Variants in SHANK2 observed in about 807,000 individuals in gnomAD.
SHANK2 encodes the protein SH3 and multiple ankyrin repeat domains protein 2.
SHANK2 carries 43 observed loss-of-function variants against 133.7 expected under a neutral mutation model. That is an observed-to-expected ratio of 0.32 (90% CI 0.25 to 0.41). The LOEUF is 0.41. Ranked by LOEUF, SHANK2 falls within the 10% of genes least tolerant of loss-of-function variation. The pLI is 1.00. For missense variants in SHANK2, 1,994 were observed against 2,235.8 expected (o/e 0.89, Z 2.18); for synonymous variants, 1,017 against 952.8 (o/e 1.07, Z -1.24).
rs549413625 is a variant in SHANK2, at chr11:70,479,095, G to A, written c.4980-5656C>T. On this transcript the variant is annotated intron_variant, in intron 25 of 25. Coordinates refer to ENST00000601538, the MANE Select transcript of SHANK2 (RefSeq NM_012309.5). This position sits in a 1 kb window ranked among gnomAD's most constrained non-coding sequence, Gnocchi z 4.4. Reference sequence around the variant, plus strand: ...GCACTCCCATTCATCCTTGCCCAACGCCCGCAAGTACCAGCCCCGATGGAC... The same window carrying A: ...GCACTCCCATTCATCCTTGCCCAACACCCGCAAGTACCAGCCCCGATGGAC... Among the ~76,000 whole-genome samples the A allele has an allele frequency of 1.1e-4, 16 of 152,306 alleles. No individual in the cohort carries two copies. The highest frequency in any genetic ancestry group is 5.9e-4 in the Admixed American group (9 of 15,298).
intron 15 of SHANK2, among the ~76,000 whole-genome samples, chr11:70,666,540 T>G (rs1300777286): frequency 6.6e-6 from 1 of 152,334 alleles, no homozygotes; most frequent in African/African-American, 2.4e-5. Context: ...TTCTGTGTGC[T>G]GCCCTAGAAC....
rs1202247017 is a variant in SHANK2 at position 71,085,551 on chromosome 11, ATAT to A, written c.912+6868_912+6870del. Among the ~76,000 whole-genome samples the A allele has an allele frequency of 8.1e-3, 686 of 84,382 alleles. 17 individuals are homozygous for A. The highest frequency in any genetic ancestry group is 0.068 in the Admixed American group (327 of 4,806). The allele number at this position is 84,382 out of a possible 152,430, so 55.4% of individuals were successfully genotyped here. Reference sequence around the variant, plus strand: ...TATTATATTATATAAAATATATAACATATTATATTATATAAAATATATATTATA... The same window carrying A: ...TATTATATTATATAAAATATATAACATATATTATATAAAATATATATTATA... On this transcript the variant is annotated intron_variant, in intron 8 of 25. Transcript: ENST00000601538.
intron 2 of SHANK2, among the ~76,000 whole-genome samples, chr11:71,206,928 A>G (rs905836131): frequency 6.6e-6 from 1 of 151,884 alleles, no homozygotes; most frequent in Non-Finnish European, 1.5e-5. Flanking sequence ...AGTCAAAGTA[A>G]AAAAAAGATT....
At chr11:70,738,554 T>A (rs1239015903) in intron 14 of SHANK2, among the ~76,000 whole-genome samples, 1 of 152,330 alleles carries the variant, frequency 6.6e-6, no homozygotes, top group Middle Eastern at 3.4e-3. Flanking sequence ...TCTACAAAGC[T>A]GCCCCATGGT....
chr11:71,076,313 C>A (rs935007162), intron 8 of SHANK2, among the ~76,000 whole-genome samples: 1 of 152,058 alleles, frequency 6.6e-6, no homozygotes, highest in Admixed American at 6.5e-5. Context: ...GAGCAGTAGG[C>A]GCCATGGTAG....
Position 71,181,137 on chromosome 11 carries a change from C to T in SHANK2, c.-12-33799G>A, listed in dbSNP as rs1216831415. On this transcript the variant is annotated intron_variant, in intron 2 of 25. Coordinates refer to ENST00000601538, the MANE Select transcript of SHANK2 (RefSeq NM_012309.5). Reference sequence around the variant, plus strand: ...CGAGGGGAGGTCTGGAGAAGCCGACCAGCTTGCAGCACAGAAGTGCAAGAA... The same window carrying T: ...CGAGGGGAGGTCTGGAGAAGCCGACTAGCTTGCAGCACAGAAGTGCAAGAA... Among the ~76,000 whole-genome samples, 8 of 152,150 alleles carry T rather than the reference C, an allele frequency of 5.3e-5. No individual in the cohort carries two copies. The South Asian group carries it at 6.2e-4, about 12-fold the overall frequency.
chr11:70,813,697 T>A (rs1372419519), intron 12 of SHANK2, among the ~76,000 whole-genome samples: 1 of 152,060 alleles, frequency 6.6e-6, no homozygotes, highest in Non-Finnish European at 1.5e-5. Flanking sequence ...TTAGCGTCTG[T>A]CAAATGTTAC....
At chr11:70,545,935 T>A (rs1554976264) in intron 17 of SHANK2, among the ~76,000 whole-genome samples, 1 of 152,042 alleles carries the variant, frequency 6.6e-6, no homozygotes, top group Non-Finnish European at 1.5e-5. Flanking sequence ...GGAACATGCA[T>A]CACTTATGGC....
At chr11:70,800,201 C>CA (rs1555050193) in intron 13 of SHANK2, among the ~76,000 whole-genome samples, 3 of 152,042 alleles carry the variant, frequency 2.0e-5, no homozygotes, top group Non-Finnish European at 4.4e-5. Context: ...ATTATAATTA[C>CA]TTTTTTTAGA....
At chr11:70,715,358 A>G (rs11607899) in intron 14 of SHANK2, among the ~76,000 whole-genome samples, 61,274 of 152,030 alleles carry the variant, frequency 0.4, 12,643 homozygotes, top group Non-Finnish European at 0.46. Flanking sequence ...TTGTAAGCTC[A>G]GTGGATGCCT....
chr11:70,846,895 C>T (rs1007923714), intron 11 of SHANK2, among the ~76,000 whole-genome samples: 1 of 152,164 alleles, frequency 6.6e-6, no homozygotes, highest in Non-Finnish European at 1.5e-5. Flanking sequence ...CCTCCCAGGC[C>T]CAGAGCATGG....
At chr11:70,616,885 A>G (rs1591654514) in intron 17 of SHANK2, among the ~76,000 whole-genome samples, 1 of 152,160 alleles carries the variant, frequency 6.6e-6, no homozygotes, top group African/African-American at 2.4e-5. Flanking sequence ...ATGCCCCGCA[A>G]AGGGCCACAG....
chr11:70,630,013 C>T (rs143013986), intron 17 of SHANK2, among the ~76,000 whole-genome samples: 37 of 152,328 alleles, frequency 2.4e-4, no homozygotes, highest in African/African-American at 6.3e-4. Context: ...GAGAGGACAT[C>T]GTCTGTGGGC....
chr11:70,525,561 G>A (rs116982583), intron 17 of SHANK2, among the ~76,000 whole-genome samples: 4,536 of 152,280 alleles, frequency 0.03, 110 homozygotes, highest in Middle Eastern at 0.078. Flanking sequence ...TCGAGGTAGG[G>A]GAGAAAACAG....
chr11:70,557,761 T>A (rs2059852099), intron 17 of SHANK2, among the ~76,000 whole-genome samples: 1 of 152,108 alleles, frequency 6.6e-6, no homozygotes, highest in Non-Finnish European at 1.5e-5. Context: ...TCCCCAGTGA[T>A]CCCGAGGAGG....
At chr11:70,734,980 C>T (rs940628282) in intron 14 of SHANK2, among the ~76,000 whole-genome samples, 22 of 152,194 alleles carry the variant, frequency 1.4e-4, no homozygotes, top group African/African-American at 4.8e-4. Context: ...TGGAGACGAG[C>T]GGGCCCAGGC....
chr11:70,930,240 A>G (rs1187769672), intron 10 of SHANK2, among the ~76,000 whole-genome samples: 1 of 152,178 alleles, frequency 6.6e-6, no homozygotes, highest in Non-Finnish European at 1.5e-5. Context: ...TGTGGAAGGA[A>G]GCATGTCCTT....
chr11:71,238,257 G>A (rs1159507180), intron 1 of SHANK2, among the ~76,000 whole-genome samples: 1 of 152,196 alleles, frequency 6.6e-6, no homozygotes, highest in Admixed American at 6.5e-5. Flanking sequence ...CAGGCCAGTG[G>A]GCAGCCCTGA....
At chr11:70,811,746 CCAT>C (rs1948284852) in intron 12 of SHANK2, among the ~76,000 whole-genome samples, 1 of 151,796 alleles carries the variant, frequency 6.6e-6, no homozygotes, top group Non-Finnish European at 1.5e-5. Context: ...ATCCATTCAT[CCAT>C]CATCTATCCA....
Sources: allele counts gnomAD v4.1 joint callset (sites outside exome capture counted in the v4.1 genomes callset), GRCh38; gene constraint gnomAD v4.1.1; non-coding constraint Gnocchi (gnomAD v3.1); transcripts MANE v1.5; gene names NCBI Gene and HGNC (gene_info 2026-07-23, HGNC 2026-07-21).